Variants in MSANTD2 observed in about 807,000 individuals in gnomAD.
MSANTD2 encodes myb/SANT-like DNA-binding domain-containing protein 2.
MSANTD2 carries 19 observed loss-of-function variants against 52.6 expected under a neutral mutation model. The ratio of observed to expected loss-of-function variants is 0.36; its 90% CI spans 0.25 to 0.53. The LOEUF is 0.53. MSANTD2 is among the 20% of genes least tolerant of loss of function. The probability of loss-of-function intolerance (pLI) is 0.91; values close to 1 mark genes in which losing one functional copy is unlikely to be tolerated. For synonymous variants in MSANTD2, 291 were observed against 289.7 expected (o/e 1.00, Z -0.04); for missense variants, 558 against 716.3 (o/e 0.78, Z 2.52).
intron 1 of MSANTD2, among the ~76,000 whole-genome samples, chr11:124,785,811 T>G (rs552374582): frequency 1.3e-5 from 2 of 151,118 alleles, no homozygotes; most frequent in Non-Finnish European, 2.9e-5. Flanking sequence ...TGTATCATAT[T>G]TATATATGGT....
Position 124,788,121 on chromosome 11 carries a change from A to G in MSANTD2, c.510+11750T>C, listed in dbSNP as rs568633295. Among the ~76,000 whole-genome samples the G allele has an allele frequency of 8.4e-4, 128 of 152,110 alleles. 1 individual carries two copies. The highest frequency in any genetic ancestry group is 2.8e-3 in the African/African-American group (116 of 41,494). On this transcript the variant is annotated intron_variant, in intron 1 of 3. Transcript: ENST00000374979. ...AAGCCAATTAATTAATCATTTTGAA[A>G]GATTTATAGCCTTGGCAAGAATATG... is the stretch of plus-strand genomic sequence containing the variant.
At chr11:124,770,306 G>T (rs58161259) in intron 3 of MSANTD2, among the ~76,000 whole-genome samples, 135 of 133,214 alleles carry the variant, frequency 1.0e-3, no homozygotes, top group African/African-American at 3.7e-3. Context: ...CTTTTTTTTT[G>T]TTTGTTTGTT....
chr11:124,782,071 T>C (rs1944995015), intron 1 of MSANTD2, among the ~76,000 whole-genome samples: 1 of 152,232 alleles, frequency 6.6e-6, no homozygotes. Context: ...AATGTCTCTT[T>C]ATAACACTTT....
At chr11:124,787,531 C>G (rs556686849) in intron 1 of MSANTD2, among the ~76,000 whole-genome samples, 1 of 152,164 alleles carries the variant, frequency 6.6e-6, no homozygotes, top group African/African-American at 2.4e-5. Flanking sequence ...TAGGTGTGCA[C>G]CACCAAACCC....
At chr11:124,780,490 A>G (rs1370996810) in intron 1 of MSANTD2, among the ~76,000 whole-genome samples, 1 of 152,194 alleles carries the variant, frequency 6.6e-6, no homozygotes, top group Non-Finnish European at 1.5e-5. Context: ...TTATTCTTCA[A>G]TCTTTTGCTT....
intron 3 of MSANTD2, among the ~76,000 whole-genome samples, chr11:124,770,708 C>T (rs1236657492): frequency 1.3e-5 from 2 of 151,738 alleles, no homozygotes; most frequent in African/African-American, 4.8e-5. Context: ...TGGGTTCAAG[C>T]AATTCTTGTG....
intron 1 of MSANTD2, among the ~76,000 whole-genome samples, chr11:124,797,287 C>T (rs1945526187): frequency 6.6e-6 from 1 of 152,056 alleles, no homozygotes; most frequent in South Asian, 2.1e-4. Context: ...GAGTTTGAGA[C>T]CAGTCTAGGC....
intron 1 of MSANTD2, among the ~76,000 whole-genome samples, chr11:124,799,082 G>T (rs866551558): frequency 6.6e-6 from 1 of 152,254 alleles, no homozygotes; most frequent in Middle Eastern, 3.4e-3. Flanking sequence ...GATGCACACT[G>T]AGAGTTCTAC....
chr11:124,792,477 T>C (rs762164075), intron 1 of MSANTD2: 3 of 152,258 alleles, frequency 2.0e-5, no homozygotes, highest in Non-Finnish European at 2.9e-5. Context: ...ATATTTGCAG[T>C]TGGCACTATT....
chr11:124,798,321 G>C (rs1282703962), intron 1 of MSANTD2, among the ~76,000 whole-genome samples: 1 of 151,082 alleles, frequency 6.6e-6, no homozygotes, highest in Admixed American at 6.6e-5. Flanking sequence ...AGGATTGTTT[G>C]AGCCCAGGAG....
At chr11:124,782,926 G>A (rs1026590125) in intron 1 of MSANTD2, among the ~76,000 whole-genome samples, 1 of 152,122 alleles carries the variant, frequency 6.6e-6, no homozygotes, top group Non-Finnish European at 1.5e-5. Flanking sequence ...GCTGGGCAAG[G>A]CTATTTTAAA....
intron 1 of MSANTD2, among the ~76,000 whole-genome samples, chr11:124,786,319 A>G (rs1210072035): frequency 2.6e-5 from 4 of 151,950 alleles, no homozygotes; most frequent in African/African-American, 4.8e-5. Flanking sequence ...AGCTTTCTCA[A>G]TATGCTGATA....
intron 1 of MSANTD2, among the ~76,000 whole-genome samples, chr11:124,795,923 C>G (rs1945477890): frequency 6.6e-6 from 1 of 152,090 alleles, no homozygotes; most frequent in South Asian, 2.1e-4. Context: ...AAAAATGCAA[C>G]AAAACTTCAA....
Position 124,784,287 on chromosome 11 carries a change from G to C in MSANTD2, c.511-9313C>G, listed in dbSNP as rs958543057. The C allele has an allele frequency of 1.1e-5, 11 of 985,086 alleles. No homozygotes were observed. In the African/African-American group the frequency reaches 1.9e-4, roughly 17 times the overall value. 61.0% of individuals were successfully genotyped at this position (985,086 alleles called of 1,614,324 possible). A position where few individuals can be genotyped will look rare whatever the true frequency, so the allele number is the denominator to read the frequency against. On this transcript the variant is annotated intron_variant, in intron 1 of 3. Transcript: ENST00000374979. Reference sequence around the variant, plus strand: ...AATCTTTTTCTCAGTTCACACCTTGGGGGACTACATCAAAGAGGTATTCAG... The same window carrying C: ...AATCTTTTTCTCAGTTCACACCTTGCGGGACTACATCAAAGAGGTATTCAG...
chr11:124,767,820 G>T lies in MSANTD2; in HGVS notation c.1036C>A (p.Arg346=). Residue 346 remains arginine, a synonymous_variant, in exon 4 of 4, where the codon CGG becomes AGG. Transcript: ENST00000374979. This position sits in a 1 kb window ranked among gnomAD's most constrained non-coding sequence, Gnocchi z 6.5. ...SSQVPLGKRL[R]EYFNSEKPEG... is the part of the protein sequence containing the mutation. Reference sequence around the variant, plus strand: ...GGCTTCTCAGAGTTGAAGTACTCCCGAAGTCGCTTGCCAAGGGGCACCTGG... The same window carrying T: ...GGCTTCTCAGAGTTGAAGTACTCCCTAAGTCGCTTGCCAAGGGGCACCTGG... 6.2e-7 allele frequency: 1 copy of T among 1,614,188 alleles called. No individual in the cohort carries two copies. The highest frequency in any genetic ancestry group is 1.1e-5 in the South Asian group (1 of 91,078).
chr11:124,791,425 G>A, intron 1 of MSANTD2: 1 of 1,326,396 alleles, frequency 7.5e-7, no homozygotes, highest in Non-Finnish European at 1.1e-6. Flanking sequence ...CAGGGTGAGT[G>A]AGAAGCACAG....
intron 2 of MSANTD2, 95 bp from the exon 3 acceptor site, chr11:124,773,149 T>G: frequency 1.4e-6 from 1 of 708,422 alleles, no homozygotes; most frequent in East Asian, 2.7e-5. Flanking sequence ...CATTCCATAC[T>G]TTCCAAAACC....
At chr11:124,781,804 C>G (rs889711183) in intron 1 of MSANTD2, among the ~76,000 whole-genome samples, 2 of 152,134 alleles carry the variant, frequency 1.3e-5, no homozygotes, top group Non-Finnish European at 2.9e-5. Context: ...AGGCACCCAC[C>G]ACCACGCTCG....
At chr11:124,785,377 A>G (rs1482901655) in intron 1 of MSANTD2, among the ~76,000 whole-genome samples, 1 of 152,232 alleles carries the variant, frequency 6.6e-6, no homozygotes, top group East Asian at 1.9e-4. Context: ...CTGTGCAGGT[A>G]TGCTGGGGAA....
Sources: allele counts gnomAD v4.1 joint callset (sites outside exome capture counted in the v4.1 genomes callset), GRCh38; gene constraint gnomAD v4.1.1; non-coding constraint Gnocchi (gnomAD v3.1); transcripts MANE v1.5; gene names NCBI Gene and HGNC (gene_info 2026-07-23, HGNC 2026-07-21).